The following LRRC37A2 variants were observed in gnomAD, a reference collection of about 807,000 sequenced individuals.
LRRC37A2 encodes the protein leucine-rich repeat-containing protein 37A2.
A neutral mutation model predicts 68.8 loss-of-function variants in LRRC37A2; 9 were observed. The ratio of observed to expected loss-of-function variants is 0.13; its 90% CI spans 0.08 to 0.23. LRRC37A2 has a LOEUF of 0.23. Among genes scored for constraint, LRRC37A2 ranks in the 10% least tolerant of loss-of-function variants. The pLI is 1.00. For synonymous variants in LRRC37A2, 63 were observed against 367.6 expected (o/e 0.17, Z 9.48); for missense variants, 168 against 950.4 (o/e 0.18, Z 10.82).
At chr17:46,697,186 A>G in the LRRC37A2 span, among the ~76,000 whole-genome samples, 1 of 145,636 alleles carries the variant, frequency 6.9e-6, no homozygotes, top group Non-Finnish European at 1.5e-5. Flanking sequence ...AATAATGAGC[A>G]CATGGTAGGT....
At chr17:46,853,477 T>C in the LRRC37A2 span, among the ~76,000 whole-genome samples, 1 of 149,586 alleles carries the variant, frequency 6.7e-6, no homozygotes, top group Admixed American at 6.8e-5. Context: ...GTTCAAGCGA[T>C]TCTCCTGCCT....
At chr17:46,548,213 G>C in intron 9 of LRRC37A2, 99 bp from the exon 9 acceptor site, 1 of 280,514 alleles carries the variant, frequency 3.6e-6, no homozygotes, top group Non-Finnish European at 5.7e-6. Context: ...TCGAATGTTT[G>C]CTGACTCCTA....
At chr17:46,954,561 A>G in the LRRC37A2 span, among the ~76,000 whole-genome samples, 4 of 152,204 alleles carry the variant, frequency 2.6e-5, no homozygotes, top group African/African-American at 9.7e-5. Flanking sequence ...AATTCTGTGA[A>G]GAAAGTCATT....
chr17:46,774,035 A>C, the LRRC37A2 span: 14 of 1,377,898 alleles, frequency 1.0e-5, no homozygotes, highest in South Asian at 1.8e-4. Flanking sequence ...CTGGCACCTG[A>C]ATGTGCTACC....
chr17:47,027,196 C>T, the LRRC37A2 span, among the ~76,000 whole-genome samples: 1 of 152,100 alleles, frequency 6.6e-6, no homozygotes, highest in East Asian at 1.9e-4. Flanking sequence ...AGGACTGAGC[C>T]ACCGCACCCG....
At chr17:46,812,333 C>T in the LRRC37A2 span, among the ~76,000 whole-genome samples, 5 of 152,178 alleles carry the variant, frequency 3.3e-5, no homozygotes, top group East Asian at 9.6e-4. Context: ...CCTCCACCCC[C>T]CTACCCCCGC....
At chr17:46,829,174 AT>A in the LRRC37A2 span, among the ~76,000 whole-genome samples, 40 of 148,104 alleles carry the variant, frequency 2.7e-4, no homozygotes, top group East Asian at 5.9e-4. Flanking sequence ...TTATATTTCA[AT>A]TTTTTTTTTT....
chr17:46,851,645 C>T, the LRRC37A2 span: 3 of 1,280,140 alleles, frequency 2.3e-6, no homozygotes, highest in Non-Finnish European at 2.9e-6. The surrounding 1 kb of genome is among the most constrained non-coding windows in gnomAD (Gnocchi z 4.3). Flanking sequence ...CACCATGCGC[C>T]CCCCGCCCGC....
At chr17:46,823,363 C>T in the LRRC37A2 span, among the ~76,000 whole-genome samples, 8 of 150,276 alleles carry the variant, frequency 5.3e-5, no homozygotes, top group South Asian at 2.1e-4. Context: ...TACATGTGCC[C>T]GCCACCACGC....
chr17:47,038,703 T>TTCC, the LRRC37A2 span, among the ~76,000 whole-genome samples: 1 of 9,804 alleles, frequency 1.0e-4, no homozygotes, highest in African/African-American at 1.1e-4. Context: ...TCTTATTTTT[T>TTCC]TTTGTTTTGG....
the LRRC37A2 span, chr17:46,938,455 A>G: frequency 1.6e-6 from 2 of 1,287,404 alleles, no homozygotes; most frequent in Non-Finnish European, 1.1e-6. Context: ...GAGTGGCTCT[A>G]TTTCTGGCTG....
chr17:46,839,730 T>C, the LRRC37A2 span, among the ~76,000 whole-genome samples: 1 of 152,026 alleles, frequency 6.6e-6, no homozygotes, highest in African/African-American at 2.4e-5. Flanking sequence ...CTGCCCTGTG[T>C]CCATGTGTTC....
the LRRC37A2 span, among the ~76,000 whole-genome samples, chr17:46,892,798 G>C: frequency 1.3e-5 from 2 of 152,330 alleles, no homozygotes; most frequent in South Asian, 2.1e-4. Context: ...AGTTTTCATG[G>C]TTGTTCAATC....
the LRRC37A2 span, among the ~76,000 whole-genome samples, chr17:46,678,997 A>G: frequency 6.6e-6 from 1 of 151,644 alleles, no homozygotes; most frequent in Non-Finnish European, 1.5e-5. Context: ...AATCTCACAA[A>G]TAAATTATTG....
At chr17:46,766,895 C>A in the LRRC37A2 span, among the ~76,000 whole-genome samples, 4 of 152,290 alleles carry the variant, frequency 2.6e-5, no homozygotes, top group Non-Finnish European at 5.9e-5. Context: ...CAAGCCCTGT[C>A]CTCGGTGTCC....
chr17:46,739,144 T>G, the LRRC37A2 span, among the ~76,000 whole-genome samples: 11 of 149,596 alleles, frequency 7.4e-5, no homozygotes, highest in Non-Finnish European at 1.3e-4. Flanking sequence ...CCAAGGTAGG[T>G]GGATCATTCA....
At chr17:46,983,320 G>A in the LRRC37A2 span, among the ~76,000 whole-genome samples, 1 of 122,082 alleles carries the variant, frequency 8.2e-6, no homozygotes, top group East Asian at 2.5e-4. Flanking sequence ...TTTTTGAGAC[G>A]GAGTCTCGCT....
chr17:46,783,946 C>T, the LRRC37A2 span, among the ~76,000 whole-genome samples: 2 of 152,152 alleles, frequency 1.3e-5, no homozygotes, highest in African/African-American at 4.8e-5. Flanking sequence ...CAAAATGAGA[C>T]AAGAGGTGGG....
At chr17:46,725,866 C>G in the LRRC37A2 span, among the ~76,000 whole-genome samples, 3 of 152,164 alleles carry the variant, frequency 2.0e-5, no homozygotes, top group Non-Finnish European at 2.9e-5. Context: ...AGGCTAGTCT[C>G]AAGGCCTTGA....
Sources: allele counts gnomAD v4.1 joint callset (sites outside exome capture counted in the v4.1 genomes callset), GRCh38; gene constraint gnomAD v4.1.1; non-coding constraint Gnocchi (gnomAD v3.1); transcripts MANE v1.5; gene names NCBI Gene and HGNC (gene_info 2026-07-23, HGNC 2026-07-21).